Variants in GABBR2 observed in about 807,000 individuals in gnomAD.
GABBR2 encodes gamma-aminobutyric acid type B receptor subunit 2.
Under a neutral mutation model 105.6 loss-of-function variants are expected in GABBR2, and 23 were observed. The observed-to-expected ratio is 0.22, with a 90% CI of 0.16 to 0.31. The LOEUF is 0.31. Among genes scored for constraint, GABBR2 ranks in the 10% least tolerant of loss-of-function variants. The pLI is 1.00. For synonymous variants in GABBR2, 478 were observed against 499.7 expected (o/e 0.96, Z 0.58); for missense variants, 734 against 1,245.5 (o/e 0.59, Z 6.18).
At chr9:98,353,490 C>T (rs540582986) in intron 13 of GABBR2, among the ~76,000 whole-genome samples, 4 of 152,256 alleles carry the variant, frequency 2.6e-5, no homozygotes, top group Non-Finnish European at 4.4e-5. Flanking sequence ...GAATCCTTTC[C>T]AGAAGGTTTT....
At chr9:98,412,084 T>G (rs1554702544) in intron 7 of GABBR2, among the ~76,000 whole-genome samples, 2 of 152,234 alleles carry the variant, frequency 1.3e-5, no homozygotes, top group Non-Finnish European at 1.5e-5. Context: ...TTAAGCCCTT[T>G]GTTGGGGCCT....
At chr9:98,638,586 T>C (rs1391002120) in intron 1 of GABBR2, among the ~76,000 whole-genome samples, 3 of 152,142 alleles carry the variant, frequency 2.0e-5, no homozygotes, top group African/African-American at 4.8e-5. Context: ...GAGTTTTGCA[T>C]AGGCCTTTCC....
At chr9:98,474,232 G>A (rs1359616250) in intron 5 of GABBR2, among the ~76,000 whole-genome samples, 1 of 152,154 alleles carries the variant, frequency 6.6e-6, no homozygotes, top group African/African-American at 2.4e-5. Flanking sequence ...CCTGGATCTA[G>A]TTCTGCTGAC....
chr9:98,641,136 T>G (rs1753741753), intron 1 of GABBR2, among the ~76,000 whole-genome samples: 1 of 150,912 alleles, frequency 6.6e-6, no homozygotes, highest in African/African-American at 2.4e-5. Flanking sequence ...TTGGTTTTTT[T>G]TTTTTTTTTC....
chr9:98,369,187 T>G, intron 12 of GABBR2, among the ~76,000 whole-genome samples: 1 of 152,244 alleles, frequency 6.6e-6, no homozygotes, highest in Non-Finnish European at 1.5e-5. Context: ...AGAGTTGTCA[T>G]AAATGCTGCC....
At chr9:98,546,991 G>A (rs1828414594) in intron 2 of GABBR2, among the ~76,000 whole-genome samples, 1 of 120,332 alleles carries the variant, frequency 8.3e-6, no homozygotes, top group African/African-American at 2.7e-5. Flanking sequence ...GAATTTGGCT[G>A]GGCATGAAAT....
At chr9:98,691,330 G>A (rs1232128650) in intron 1 of GABBR2, among the ~76,000 whole-genome samples, 1 of 152,162 alleles carries the variant, frequency 6.6e-6, no homozygotes, top group Non-Finnish European at 1.5e-5. Flanking sequence ...TGCACAGGGG[G>A]AATGACAGGC....
At chr9:98,613,491 T>C (rs902494247) in intron 1 of GABBR2, among the ~76,000 whole-genome samples, 1 of 150,878 alleles carries the variant, frequency 6.6e-6, no homozygotes, top group African/African-American at 2.4e-5. Context: ...CTTTTGAATC[T>C]GGGCTGGCCT....
Position 98,539,354 on chromosome 9 carries a change from A to C in GABBR2, c.630+2519T>G, listed in dbSNP as rs143360254. 3.0e-4 allele frequency among the ~76,000 whole-genome samples: 46 copies of C among 152,330 alleles called. No individual in the cohort carries two copies. The East Asian group carries it at 8.9e-3, about 29-fold the overall frequency. ...GTCTGGTGGGAATTTCAAACCTCTT[A>C]GGCTATATGCAGGTAGTTCCTATGC... On this transcript the variant is annotated intron_variant, in intron 3 of 18. Transcript: ENST00000259455.
intron 1 of GABBR2, among the ~76,000 whole-genome samples, chr9:98,630,268 T>G (rs949358882): frequency 1.3e-5 from 2 of 152,214 alleles, no homozygotes; most frequent in Admixed American, 1.3e-4. Context: ...TAAATCCCCC[T>G]GGCACTAGTC....
chr9:98,326,718 C>T (rs1432143175), intron 13 of GABBR2, among the ~76,000 whole-genome samples: 1 of 152,202 alleles, frequency 6.6e-6, no homozygotes, highest in Non-Finnish European at 1.5e-5. Flanking sequence ...TTGCACTGAG[C>T]TGCTGAGATT....
chr9:98,653,778 T>G (rs1012070136), intron 1 of GABBR2, among the ~76,000 whole-genome samples: 5 of 152,070 alleles, frequency 3.3e-5, no homozygotes, highest in African/African-American at 1.2e-4. Context: ...CACCTCTTTT[T>G]ATGTAATCAG....
intron 1 of GABBR2, among the ~76,000 whole-genome samples, chr9:98,622,961 G>A (rs1385138608): frequency 2.6e-5 from 4 of 152,136 alleles, no homozygotes; most frequent in South Asian, 2.1e-4. Flanking sequence ...GGGTGATGAC[G>A]CTGTGTCAAT....
chr9:98,307,274 T>C lies in GABBR2; in HGVS notation c.2005-929A>G, dbSNP rs561020655. 5.3e-5 allele frequency among the ~76,000 whole-genome samples: 8 copies of C among 152,278 alleles called. No homozygotes were observed. In the East Asian group the frequency reaches 1.5e-3, roughly 29 times the overall value. On this transcript the variant is annotated intron_variant, in intron 14 of 18. Coordinates refer to ENST00000259455, the MANE Select transcript of GABBR2 (RefSeq NM_005458.8). ...AAATGGACAGGGTAGAGGCCAACTATGATCTGAAGCAGGGTGTCGAGGGTT... is the reference window on the plus strand; with the variant it reads ...AAATGGACAGGGTAGAGGCCAACTACGATCTGAAGCAGGGTGTCGAGGGTT...
intron 7 of GABBR2, among the ~76,000 whole-genome samples, chr9:98,417,110 T>G (rs575759884): frequency 5.3e-5 from 8 of 152,222 alleles, no homozygotes; most frequent in Non-Finnish European, 1.2e-4. Flanking sequence ...AAGTGCTCTT[T>G]CCTCTTCAAG....
rs535555090 is a variant in GABBR2, at chr9:98,508,534, C to G, written c.631-12020G>C. On this transcript the variant is annotated intron_variant, in intron 3 of 18. Coordinates refer to ENST00000259455, the MANE Select transcript of GABBR2 (RefSeq NM_005458.8). ...CCTAGTCAAAGAAAGGGGTAACAGA[C>G]GGCACCTGGAAAATTGGGTCACTCC... Among the ~76,000 whole-genome samples, 292 of 152,330 alleles carry G rather than the reference C, an allele frequency of 1.9e-3. 1 individual carries two copies. Among genetic ancestry groups the G allele is most frequent in the African/African-American group, 6.7e-3 (277 of 41,580 alleles).
chr9:98,405,409 C>T (rs958320808), intron 8 of GABBR2, among the ~76,000 whole-genome samples: 1 of 152,120 alleles, frequency 6.6e-6, no homozygotes, highest in Admixed American at 6.5e-5. Context: ...CCAGCCAGGG[C>T]AACATACTGA....
At chr9:98,636,054 C>G (rs1370578357) in intron 1 of GABBR2, among the ~76,000 whole-genome samples, 2 of 152,158 alleles carry the variant, frequency 1.3e-5, no homozygotes, top group Non-Finnish European at 2.9e-5. Flanking sequence ...AGTCGCAGAT[C>G]TCACCTGGGA....
chr9:98,498,341 C>T (rs1383504402), intron 3 of GABBR2, among the ~76,000 whole-genome samples: 1 of 152,158 alleles, frequency 6.6e-6, no homozygotes, highest in Non-Finnish European at 1.5e-5. Context: ...GAACATACTG[C>T]TACTGAACTG....
Sources: gnomAD v4.1 joint callset for allele counts (sites outside exome capture counted in the v4.1 genomes callset) on GRCh38, gnomAD v4.1.1 for gene constraint, MANE v1.5 for transcripts, NCBI Gene and HGNC (gene_info 2026-07-23, HGNC 2026-07-21) for gene names.